Variants in CNTN3 observed in about 807,000 individuals in gnomAD.
CNTN3 encodes contactin-3.
In CNTN3, 60 loss-of-function variants were observed where a neutral mutation model predicts 119.1. That is an observed-to-expected ratio of 0.50 (90% CI 0.41 to 0.62). The LOEUF (loss-of-function observed/expected upper bound fraction) is 0.62. Ranked by LOEUF, CNTN3 falls within the 20% of genes least tolerant of loss-of-function variation. The probability of loss-of-function intolerance (pLI) is 0.00; values close to 1 mark genes in which losing one functional copy is unlikely to be tolerated. For synonymous variants in CNTN3, 450 were observed against 438.7 expected (o/e 1.03, Z -0.32); for missense variants, 1,101 against 1,242.4 (o/e 0.89, Z 1.71).
intron 1 of CNTN3, among the ~76,000 whole-genome samples, chr3:74,596,502 C>G (rs1038552942): frequency 6.6e-6 from 1 of 151,818 alleles, no homozygotes; most frequent in Non-Finnish European, 1.5e-5. Flanking sequence ...TAGATCAATG[C>G]AACAGAACAG....
chr3:74,428,517 T>C (rs1701733366), intron 4 of CNTN3, among the ~76,000 whole-genome samples: 1 of 152,150 alleles, frequency 6.6e-6, no homozygotes, highest in African/African-American at 2.4e-5. Flanking sequence ...ATAAAAAAGC[T>C]TATTGAATAA....
intron 4 of CNTN3, among the ~76,000 whole-genome samples, chr3:74,465,363 C>T (rs1702443026): frequency 6.6e-6 from 1 of 152,098 alleles, no homozygotes; most frequent in Non-Finnish European, 1.5e-5. Context: ...ACTCACGACT[C>T]AGTCAAAGAG....
At chr3:74,544,043 A>G (rs1244422627) in intron 1 of CNTN3, among the ~76,000 whole-genome samples, 1 of 152,118 alleles carries the variant, frequency 6.6e-6, no homozygotes, top group Non-Finnish European at 1.5e-5. Context: ...AGGAGTTTGT[A>G]GAGTCATTGA....
chr3:74,301,589 G>T (rs1346879117), intron 15 of CNTN3, 42 bp from the exon 16 acceptor site: 1 of 1,612,054 alleles, frequency 6.2e-7, no homozygotes. Flanking sequence ...GCCTGCTTTA[G>T]CATTGACTTG....
chr3:74,536,319 T>A (rs148337861), intron 1 of CNTN3, among the ~76,000 whole-genome samples: 1 of 152,072 alleles, frequency 6.6e-6, no homozygotes, highest in Non-Finnish European at 1.5e-5. Flanking sequence ...ATACAGATAT[T>A]AACCTTTTCT....
intron 1 of CNTN3, among the ~76,000 whole-genome samples, chr3:74,587,065 T>C (rs1446030060): frequency 6.6e-6 from 1 of 151,912 alleles, no homozygotes; most frequent in Non-Finnish European, 1.5e-5. Flanking sequence ...CCAAACCCAG[T>C]CAAAAAGAAT....
chr3:74,505,203 T>C (rs1289797818), intron 2 of CNTN3, among the ~76,000 whole-genome samples: 1 of 151,970 alleles, frequency 6.6e-6, no homozygotes, highest in Non-Finnish European at 1.5e-5. Flanking sequence ...AATAATAGGG[T>C]ACTGGAGTTC....
At chr3:74,284,685 AT>A (rs1559680459) in intron 20 of CNTN3, among the ~76,000 whole-genome samples, 1 of 152,216 alleles carries the variant, frequency 6.6e-6, no homozygotes, top group African/African-American at 2.4e-5. Context: ...ACATTAGCAA[AT>A]TGTAAATCAC....
Position 74,317,160 on chromosome 3 carries a change from CCT to C in CNTN3, c.1669-14355_1669-14354del, listed in dbSNP as rs945350840. 1.0e-3 allele frequency among the ~76,000 whole-genome samples: 138 copies of C among 135,630 alleles called. 1 individual carries two copies. Among genetic ancestry groups the C allele is most frequent in the South Asian group, 3.0e-4 (1 of 3,358 alleles). 89.0% of individuals were successfully genotyped at this position (135,630 alleles called of 152,430 possible). A position where few individuals can be genotyped will look rare whatever the true frequency, so the allele number is the denominator to read the frequency against. ...TTTATCAGAGACTAGGATTGCAACC[CCT>C]GCCTTTTTTTTGTTTTCCATTTGCT... On this transcript the variant is annotated intron_variant, in intron 13 of 22. Transcript: ENST00000263665.
chr3:74,350,940 G>A (rs1159567255), intron 11 of CNTN3, among the ~76,000 whole-genome samples: 1 of 152,132 alleles, frequency 6.6e-6, no homozygotes, highest in East Asian at 1.9e-4. Context: ...GAGGAAAGCA[G>A]GGAGACCAGG....
At chr3:74,403,109 G>A (rs923777553) in intron 5 of CNTN3, among the ~76,000 whole-genome samples, 1 of 152,148 alleles carries the variant, frequency 6.6e-6, no homozygotes, top group Non-Finnish European at 1.5e-5. Flanking sequence ...AGTGTTGCAA[G>A]CAAGGGAGTA....
At chr3:74,302,936 A>C (rs1702488723) in intron 13 of CNTN3, 129 bp from the exon 14 acceptor site, 1 of 573,502 alleles carries the variant, frequency 1.7e-6, no homozygotes. Context: ...AGGTGGTATA[A>C]GAGAGTAGAT....
chr3:74,522,978 T>C (rs924418258), intron 1 of CNTN3, among the ~76,000 whole-genome samples: 1 of 151,692 alleles, frequency 6.6e-6, no homozygotes, highest in Non-Finnish European at 1.5e-5. Flanking sequence ...AATTTAAATA[T>C]ACGAGGGAGA....
chr3:74,530,246 G>T (rs1332220863), intron 1 of CNTN3, among the ~76,000 whole-genome samples: 1 of 151,962 alleles, frequency 6.6e-6, no homozygotes, highest in African/African-American at 2.4e-5. Context: ...GGATGCTCAT[G>T]CGAAGTTTCC....
intron 3 of CNTN3, among the ~76,000 whole-genome samples, chr3:74,498,643 C>A (rs1703106598): frequency 6.6e-6 from 1 of 151,744 alleles, no homozygotes; most frequent in African/African-American, 2.4e-5. Context: ...CTATTGGCTT[C>A]AATTATTTAT....
chr3:74,516,601 G>T (rs1228809853), intron 2 of CNTN3, among the ~76,000 whole-genome samples: 1 of 150,544 alleles, frequency 6.6e-6, no homozygotes, highest in African/African-American at 2.5e-5. Flanking sequence ...GTTAAGTTTT[G>T]GGGGAGTTAA....
At chr3:74,333,991 A>C (rs1315123610) in intron 13 of CNTN3, among the ~76,000 whole-genome samples, 2 of 152,156 alleles carry the variant, frequency 1.3e-5, no homozygotes, top group Non-Finnish European at 2.9e-5. Flanking sequence ...TAGCTTTGCA[A>C]TTCCAGATTC....
chr3:74,466,147 G>C (rs941137989), intron 4 of CNTN3, among the ~76,000 whole-genome samples: 3 of 152,156 alleles, frequency 2.0e-5, no homozygotes, highest in African/African-American at 7.2e-5. Flanking sequence ...CAGAAGGAGA[G>C]AAACATGGAG....
chr3:74,288,343 G>C (rs1702158031), intron 19 of CNTN3, among the ~76,000 whole-genome samples: 1 of 151,662 alleles, frequency 6.6e-6, no homozygotes, highest in Non-Finnish European at 1.5e-5. Flanking sequence ...ATTTTTAGTA[G>C]AGACAGGGTC....
Sources: gnomAD v4.1 joint callset for allele counts (sites outside exome capture counted in the v4.1 genomes callset) on GRCh38, gnomAD v4.1.1 for gene constraint, MANE v1.5 for transcripts, NCBI Gene and HGNC (gene_info 2026-07-23, HGNC 2026-07-21) for gene names.